Variants in C14orf93 observed in about 807,000 individuals in gnomAD.
The protein encoded by C14orf93 is chromosome 14 open reading frame 93, also known as uncharacterized protein C14orf93.
Under a neutral mutation model 44.0 loss-of-function variants are expected in C14orf93, and 23 were observed. That is an observed-to-expected ratio of 0.52 (90% confidence interval 0.38 to 0.74). The LOEUF (loss-of-function observed/expected upper bound fraction) is 0.74, where lower values mean the gene tolerates loss of function less well. C14orf93 is among the 30% of genes least tolerant of loss of function. The pLI is 0.00. For synonymous variants in C14orf93, 253 were observed against 265.7 expected, an observed-to-expected ratio of 0.95 and a Z score of 0.46; for missense variants, 579 against 678.9, an observed-to-expected ratio of 0.85 and a Z score of 1.64.
intron 5 of C14orf93, among the ~76,000 whole-genome samples, chr14:22,988,572 A>G (rs2045386114): frequency 6.6e-6 from 1 of 152,038 alleles, no homozygotes; most frequent in Admixed American, 6.6e-5. Context: ...ATGGTCATGC[A>G]TGCTCACTGC....
chr14:22,998,101 G>A lies in C14orf93; in HGVS notation c.597+326C>T, dbSNP rs544353394. 1.2e-4 allele frequency: 36 copies of A among 295,898 alleles called. No homozygotes were observed. In the South Asian group the frequency reaches 3.6e-3, roughly 30 times the overall value. The allele number at this position is 295,898 out of a possible 1,614,324, so 18.3% of individuals were successfully genotyped here. Reference sequence around the variant, plus strand: ...AAATATGAATGAGCCGTCTGTGCACGGCAGGCATCCTCGCCAGGAGAGGCA... The same window carrying A: ...AAATATGAATGAGCCGTCTGTGCACAGCAGGCATCCTCGCCAGGAGAGGCA... On this transcript the variant is annotated intron_variant, in intron 2 of 6. Transcript: ENST00000299088.
chr14:22,998,030 C>A (rs763554445), intron 2 of C14orf93: 29 of 177,568 alleles, frequency 1.6e-4, no homozygotes, highest in Non-Finnish European at 2.7e-4. Context: ...ACATTCCCAT[C>A]TCTCTTTGTA....
At chr14:22,992,398 G>A (rs112785910) in intron 3 of C14orf93, among the ~76,000 whole-genome samples, 7,193 of 150,408 alleles carry the variant, frequency 0.048, 587 homozygotes, top group African/African-American at 0.17. Flanking sequence ...CCCAGGAGGC[G>A]GAGGTTGCAG....
rs757040963 is a variant in C14orf93, at chr14:22,996,061, C to G, written c.805G>C (p.Gly269Arg). The G allele has an allele frequency of 8.7e-6, 14 of 1,614,076 alleles. 1 individual carries two copies. The South Asian group carries it at 1.4e-4, about 16-fold the overall frequency. ...CTCAGCTCCCCAGTGCTCCCAGGGCCTGACTCTTCCAAGGCACTGTCCAGC... is the reference window on the plus strand; with the variant it reads ...CTCAGCTCCCCAGTGCTCCCAGGGCGTGACTCTTCCAAGGCACTGTCCAGC... The part of the protein sequence containing the change: ...AALDSALEES[G>R]PGSTGELRHS... The change falls in exon 3 of 7, where the codon GGC becomes CGC. Residue 269 changes from glycine to arginine, a missense_variant. Coordinates refer to ENST00000299088, the MANE Select transcript of C14orf93 (RefSeq NM_021944.4). This position sits in a 1 kb window ranked among gnomAD's most constrained non-coding sequence, Gnocchi z 4.1.
chr14:22,999,800 C>G (rs1594654231), intron 1 of C14orf93, among the ~76,000 whole-genome samples: 1 of 152,168 alleles, frequency 6.6e-6, no homozygotes, highest in African/African-American at 2.4e-5. Context: ...AGGAATACAT[C>G]CATCACTGCA....
At chr14:23,009,283 T>C (rs1453192111) in intron 1 of C14orf93, among the ~76,000 whole-genome samples, 1 of 152,204 alleles carries the variant, frequency 6.6e-6, no homozygotes, top group Non-Finnish European at 1.5e-5. Flanking sequence ...TCTTCTAAGC[T>C]CTGCTTTGCA....
Position 22,986,264 on chromosome 14 carries a change from C to T in C14orf93, c.*951G>A, listed in dbSNP as rs1233464647. 6.6e-6 allele frequency: 1 copy of T among 152,244 alleles called. No individual in the cohort carries two copies. Among genetic ancestry groups the T allele is most frequent in the Non-Finnish European group, 1.5e-5 (1 of 68,076 alleles). The allele number at this position is 152,244 out of a possible 1,614,324, so 9.4% of individuals were successfully genotyped here. On this transcript the variant is annotated 3_prime_UTR_variant, in exon 7 of 7. Coordinates refer to ENST00000299088, the MANE Select transcript of C14orf93 (RefSeq NM_021944.4). Reference sequence around the variant, plus strand: ...CTGTATATTGCCATAGTGCACTACACTCCACCATGGTCACCCTTATCACAG... The same window carrying T: ...CTGTATATTGCCATAGTGCACTACATTCCACCATGGTCACCCTTATCACAG...
chr14:22,999,034 G>A lies in C14orf93; in HGVS notation c.-11C>T. 2 of 1,599,016 alleles carry A rather than the reference G, an allele frequency of 1.3e-6. No individual in the cohort carries two copies. Among genetic ancestry groups the A allele is most frequent in the South Asian group, 1.1e-5 (1 of 89,162 alleles). ...GGCACTGAAGGACATGGCGGATGGG[G>A]CAGTAACAACCACGCTTACACTGCT... On this transcript the variant is annotated 5_prime_UTR_variant, in exon 2 of 7. Coordinates refer to ENST00000299088, the MANE Select transcript of C14orf93 (RefSeq NM_021944.4).
At chr14:22,998,100 C>A (rs761183743) in intron 2 of C14orf93, 3 of 294,248 alleles carry the variant, frequency 1.0e-5, no homozygotes, top group East Asian at 6.0e-5. Context: ...CGTCTGTGCA[C>A]GGCAGGCATC....
Position 22,990,074 on chromosome 14 carries a change from C to G in C14orf93, c.972G>C (p.Gly324=), listed in dbSNP as rs1021178917. Reference sequence around the variant, plus strand: ...CCTCAAGGAGACCATACCTTTCAGACCCATTGAATCTCTTGTCATTGGTGA... The same window carrying G: ...CCTCAAGGAGACCATACCTTTCAGAGCCATTGAATCTCTTGTCATTGGTGA... The part of the protein sequence containing the change: ...NHITNDKRFN[G]SESIKSSWNI... The change falls in exon 4 of 7, where the codon GGG becomes GGC. Residue 324 remains glycine, a synonymous_variant. Transcript: ENST00000299088. 1.9e-6 allele frequency: 3 copies of G among 1,612,926 alleles called. No individual in the cohort carries two copies. Among genetic ancestry groups the G allele is most frequent in the Non-Finnish European group, 2.5e-6 (3 of 1,179,102 alleles).
chr14:22,997,007 A>G (rs1024886233), intron 2 of C14orf93, among the ~76,000 whole-genome samples: 1 of 151,768 alleles, frequency 6.6e-6, no homozygotes, highest in Non-Finnish European at 1.5e-5. Context: ...ACACACACAC[A>G]CACAGAAAGA....
intron 5 of C14orf93, among the ~76,000 whole-genome samples, chr14:22,988,708 C>T (rs900804632): frequency 6.6e-6 from 1 of 152,084 alleles, no homozygotes; most frequent in Non-Finnish European, 1.5e-5. Flanking sequence ...ATCTCCAACA[C>T]TAACTCCTCC....
intron 2 of C14orf93, 30 bp downstream of exon 2, chr14:22,998,397 G>A (rs1490161396): frequency 6.7e-7 from 1 of 1,483,952 alleles, no homozygotes; most frequent in Non-Finnish European, 9.0e-7. Context: ...AAAGCACCTA[G>A]GAGGAATAGC....
chr14:23,005,604 AAG>A (rs1280971364), intron 1 of C14orf93: 1 of 152,232 alleles, frequency 6.6e-6, no homozygotes, highest in Non-Finnish European at 1.5e-5. Flanking sequence ...AAAAGAGAAA[AAG>A]ATCTTCAATC....
chr14:23,000,922 T>C (rs1032353003), intron 1 of C14orf93: 8 of 152,332 alleles, frequency 5.3e-5, no homozygotes, highest in African/African-American at 1.7e-4. Flanking sequence ...CCACCCTTTA[T>C]ATCGAAGAAA....
In C14orf93 at chr14:22,987,211, G is replaced by C; in HGVS notation, c.*4C>G. The C allele has an allele frequency of 6.2e-7, 1 of 1,606,894 alleles. No homozygotes were observed. ...GAAGCCAGAGTTATTCTTGGCTGTA[G>C]ATTTTATTCATCCTTTTCCACCTTG... On this transcript the variant is annotated 3_prime_UTR_variant, in exon 7 of 7. Transcript: ENST00000299088. This position sits in a 1 kb window ranked among gnomAD's most constrained non-coding sequence, Gnocchi z 5.6.
intron 2 of C14orf93, among the ~76,000 whole-genome samples, chr14:22,997,187 C>T (rs1238042047): frequency 6.6e-6 from 1 of 152,194 alleles, no homozygotes; most frequent in Non-Finnish European, 1.5e-5. Flanking sequence ...CTCCCTTGAG[C>T]TGGAACCACG....
intron 1 of C14orf93, chr14:23,005,763 AT>A (rs1189795683): frequency 1.3e-5 from 2 of 152,164 alleles, no homozygotes; most frequent in Non-Finnish European, 2.9e-5. Flanking sequence ...TACTTTTGGT[AT>A]TTTTCATAAA....
chr14:22,995,906 C>T (rs1404358001), intron 3 of C14orf93, 42 bp downstream of exon 3: 3 of 1,521,044 alleles, frequency 2.0e-6, no homozygotes, highest in Non-Finnish European at 2.7e-6. Context: ...TCACTTATCT[C>T]TCCAGACTGA....
Sources: gnomAD v4.1 joint callset for allele counts (sites outside exome capture counted in the v4.1 genomes callset) on GRCh38, gnomAD v4.1.1 for gene constraint, Gnocchi (gnomAD v3.1) non-coding constraint, MANE v1.5 for transcripts, NCBI Gene and HGNC (gene_info 2026-07-23, HGNC 2026-07-21) for gene names.